Variants in ARHGEF10 observed in about 807,000 individuals in gnomAD.
The protein encoded by ARHGEF10 is Rho guanine nucleotide exchange factor (GEF) 10.
Under a neutral mutation model 147.4 loss-of-function variants are expected in ARHGEF10, and 140 were observed. That is an observed-to-expected ratio of 0.95 (90% CI 0.83 to 1.09). ARHGEF10 has a LOEUF of 1.09. Among genes scored for constraint, ARHGEF10 ranks in the 50% least tolerant of loss-of-function variants. The probability of loss-of-function intolerance (pLI) is 0.00; values close to 1 mark genes in which losing one functional copy is unlikely to be tolerated. For missense variants in ARHGEF10, 2,222 were observed against 1,752.7 expected, an observed-to-expected ratio of 1.27 and a Z score of -4.78; for synonymous variants, 902 against 695.8, an observed-to-expected ratio of 1.30 and a Z score of -4.67.
intron 7 of ARHGEF10, among the ~76,000 whole-genome samples, chr8:1,874,314 G>A (rs1451989742): frequency 6.6e-6 from 1 of 152,186 alleles, no homozygotes; most frequent in East Asian, 1.9e-4. Flanking sequence ...GCGTCCAAAC[G>A]TGCCTGATCC....
At chr8:1,913,202 A>T (rs1811508059) in intron 18 of ARHGEF10, among the ~76,000 whole-genome samples, 1 of 151,978 alleles carries the variant, frequency 6.6e-6, no homozygotes, top group Non-Finnish European at 1.5e-5. Flanking sequence ...GAGAGGTGAG[A>T]TCAGTTGCTC....
Position 1,880,120 on chromosome 8 carries a change from G to T in ARHGEF10, c.916G>T (p.Gly306Cys). 6.2e-7 allele frequency: 1 copy of T among 1,614,136 alleles called. No homozygotes were observed. Among genetic ancestry groups the T allele is most frequent in the Non-Finnish European group, 8.5e-7 (1 of 1,180,014 alleles). The change falls in exon 9 of 29, where the codon GGC becomes TGC. Residue 306 changes from glycine (G) to cysteine (C), a missense_variant. Gly to Cys is a radical substitution (Grantham distance 159). Coordinates refer to ENST00000349830, the MANE Select transcript of ARHGEF10 (RefSeq NM_014629.4). The stretch of plus-strand genomic sequence containing the variant: ...GAGAGATTTGATGGCAAGCACGGTG[G>T]GCGTGGTGGAGATTCAGCAGCTCAG... ...KMRDLMASTVGVVEIQQLRQK... is the reference protein window; with the variant it reads ...KMRDLMASTVCVVEIQQLRQK...
intron 21 of ARHGEF10, among the ~76,000 whole-genome samples, 168 bp downstream of exon 21, chr8:1,924,042 G>T (rs1585557398): frequency 6.6e-6 from 1 of 152,184 alleles, no homozygotes; most frequent in African/African-American, 2.4e-5. Context: ...CGATTTTTTA[G>T]ATGTTCATAT....
At chr8:1,914,947 T>C (rs938308487) in intron 18 of ARHGEF10, among the ~76,000 whole-genome samples, 2 of 152,184 alleles carry the variant, frequency 1.3e-5, no homozygotes, top group Non-Finnish European at 2.9e-5. Context: ...TTTCCTGCAA[T>C]GCGACACTGA....
chr8:1,938,425 G>T (rs1235044803), intron 26 of ARHGEF10, among the ~76,000 whole-genome samples: 1 of 152,170 alleles, frequency 6.6e-6, no homozygotes, highest in African/African-American at 2.4e-5. Context: ...TCTGCAATAT[G>T]CAGTGCTCTT....
At chr8:1,920,267 T>G (rs1378493236) in intron 18 of ARHGEF10, among the ~76,000 whole-genome samples, 1 of 152,224 alleles carries the variant, frequency 6.6e-6, no homozygotes, top group Non-Finnish European at 1.5e-5. Context: ...AGATCATATT[T>G]TAAAAGAAGT....
rs35698984 is a variant in ARHGEF10, at chr8:1,857,879, G to GATCT, written c.38-36_38-33dup. On this transcript the variant is annotated intron_variant, in intron 2 of 28. Transcript: ENST00000349830. ...TGTCTCTGGCTAACATAGATCGATC[G>GATCT]ATCTATCTATCTATCTATCTATCTA... The GATCT allele has an allele frequency of 0.07, 41,469 of 593,336 alleles. 930 individuals carry two copies. The highest frequency in any genetic ancestry group is 0.13 in the East Asian group (4,273 of 31,802). The allele number at this position is 593,336 out of a possible 1,614,324, so 36.8% of individuals were successfully genotyped here. A position where few individuals can be genotyped will look rare whatever the true frequency, so the allele number is the denominator to read the frequency against.
In ARHGEF10 at chr8:1,908,227, A is replaced by ATTTTTT. The variant is rs11288174; in HGVS notation, c.1968-1052_1968-1047dup. Among the ~76,000 whole-genome samples, 855 of 109,996 alleles carry ATTTTTT rather than the reference A, an allele frequency of 7.8e-3. 43 individuals carry two copies. The highest frequency in any genetic ancestry group is 0.031 in the African/African-American group (827 of 26,600). 72.2% of individuals were successfully genotyped at this position (109,996 alleles called of 152,430 possible). A position where few individuals can be genotyped will look rare whatever the true frequency, so the allele number is the denominator to read the frequency against. ...TTTGGTTATTTCTACCCACACTTTG[A>ATTTTTT]TTTTTTTTTTTTTTTTTTTTTGAGA... On this transcript the variant is annotated intron_variant, in intron 17 of 28. Coordinates refer to ENST00000349830, the MANE Select transcript of ARHGEF10 (RefSeq NM_014629.4).
At chr8:1,956,597 T>G (rs1815583635) in intron 28 of ARHGEF10, 152 bp from the exon 29 acceptor site, 2 of 736,850 alleles carry the variant, frequency 2.7e-6, no homozygotes, top group Admixed American at 2.4e-5. Context: ...GATATTTTCA[T>G]CGTAGCTTAT....
chr8:1,936,687 C>T (rs553635823), intron 26 of ARHGEF10, among the ~76,000 whole-genome samples: 6 of 152,178 alleles, frequency 3.9e-5, no homozygotes, highest in Admixed American at 6.5e-5. Context: ...TCTAGACCAT[C>T]GTTAGGAGGG....
intron 21 of ARHGEF10, 71 bp downstream of exon 21, chr8:1,923,945 G>A: frequency 6.9e-7 from 1 of 1,448,334 alleles, no homozygotes; most frequent in Non-Finnish European, 9.7e-7. Flanking sequence ...CGAGGGTGAG[G>A]TCAGGGTTGA....
intron 1 of ARHGEF10, among the ~76,000 whole-genome samples, chr8:1,840,430 C>T (rs996620291): frequency 7.2e-6 from 1 of 139,590 alleles, no homozygotes; most frequent in Non-Finnish European, 1.6e-5. Flanking sequence ...TGGAAGCTGT[C>T]CGGTGTGGGG....
At chr8:1,857,452 C>T (rs1678288858) in intron 2 of ARHGEF10, among the ~76,000 whole-genome samples, 1 of 148,746 alleles carries the variant, frequency 6.7e-6, no homozygotes, top group Non-Finnish European at 1.5e-5. Flanking sequence ...CAGAGTTTTG[C>T]CCTGTCACCC....
rs755544 is a variant in ARHGEF10 at position 1,898,379 on chromosome 8, C to A, written c.1558-54C>A. The A allele has an allele frequency of 0.076, 115,783 of 1,527,760 alleles. 5,599 individuals are homozygous for A. Among genetic ancestry groups the A allele is most frequent in the South Asian group, 0.21 (18,486 of 89,162 alleles). The allele number at this position is 1,527,760 out of a possible 1,614,324, so 94.6% of individuals were successfully genotyped here. A position where few individuals can be genotyped will look rare whatever the true frequency, so the allele number is the denominator to read the frequency against. On this transcript the variant is annotated intron_variant, in intron 14 of 28. Coordinates refer to ENST00000349830, the MANE Select transcript of ARHGEF10 (RefSeq NM_014629.4). ...GGTGGGGAGGAGGCGGCCCCAGGGG[C>A]AGGGAGGGCATGGCAGCCCTGCAGG...
At chr8:1,864,099 T>C (rs1806378340) in intron 4 of ARHGEF10, among the ~76,000 whole-genome samples, 1 of 152,054 alleles carries the variant, frequency 6.6e-6, no homozygotes, top group South Asian at 2.1e-4. Context: ...GAACATCCCG[T>C]TTCTTTCTAA....
chr8:1,832,413 GA>G (rs1803186440), intron 1 of ARHGEF10, among the ~76,000 whole-genome samples: 3 of 143,294 alleles, frequency 2.1e-5, no homozygotes, highest in East Asian at 2.0e-4. Context: ...GGCAGAGGCA[GA>G]GACAGAGAGA....
At chr8:1,883,726 G>A (rs1215505960) in intron 10 of ARHGEF10, among the ~76,000 whole-genome samples, 2 of 152,154 alleles carry the variant, frequency 1.3e-5, no homozygotes, top group African/African-American at 2.4e-5. Flanking sequence ...CTGATGAGGT[G>A]CCATGAGGTG....
At chr8:1,903,218 C>T (rs563294577) in intron 15 of ARHGEF10, 63 bp from the exon 16 acceptor site, 52 of 1,592,104 alleles carry the variant, frequency 3.3e-5, no homozygotes, top group South Asian at 2.0e-4. Flanking sequence ...GCGGGTGACG[C>T]GACTGTTGTT....
intron 15 of ARHGEF10, among the ~76,000 whole-genome samples, chr8:1,900,291 C>G (rs989495838): frequency 2.0e-5 from 3 of 152,140 alleles, no homozygotes; most frequent in Non-Finnish European, 4.4e-5. Context: ...AAAGCCTCTA[C>G]CGGGATTTTG....
Sources: gnomAD v4.1 joint callset for allele counts (sites outside exome capture counted in the v4.1 genomes callset) on GRCh38, gnomAD v4.1.1 for gene constraint, MANE v1.5 for transcripts, NCBI Gene and HGNC (gene_info 2026-07-23, HGNC 2026-07-21) for gene names.